Variants in ACER3 observed in about 807,000 individuals in gnomAD.
ACER3 encodes alkCDase 3.
Under a neutral mutation model 48.9 loss-of-function variants are expected in ACER3, and 16 were observed. That is an observed-to-expected ratio of 0.33 (90% CI 0.22 to 0.50). The LOEUF is 0.50. Ranked by LOEUF, ACER3 falls within the 20% of genes least tolerant of loss-of-function variation. The probability of loss-of-function intolerance (pLI) is 0.98; values close to 1 mark genes in which losing one functional copy is unlikely to be tolerated. For missense variants in ACER3, 227 were observed against 326.0 expected (o/e 0.70, Z 2.34); for synonymous variants, 109 against 107.8 (o/e 1.01, Z -0.07).
intron 4 of ACER3, among the ~76,000 whole-genome samples, chr11:76,979,096 G>A (rs1232204725): frequency 6.6e-6 from 1 of 152,216 alleles, no homozygotes; most frequent in African/African-American, 2.4e-5. Flanking sequence ...AATGAGCCCA[G>A]TGGGCCAGAA....
intron 10 of ACER3, 69 bp from the exon 11 acceptor site, chr11:77,020,205 A>G: frequency 2.6e-6 from 4 of 1,540,426 alleles, no homozygotes; most frequent in Non-Finnish European, 3.6e-6. Context: ...ATTCTTTCTC[A>G]TTCTTTTTCA....
At chr11:76,952,515 C>A (rs2134995410) in intron 2 of ACER3, among the ~76,000 whole-genome samples, 1 of 151,914 alleles carries the variant, frequency 6.6e-6, no homozygotes, top group Middle Eastern at 3.4e-3. Flanking sequence ...ACCTTGGCCT[C>A]TCAAAGTGCT....
intron 1 of ACER3, among the ~76,000 whole-genome samples, chr11:76,896,330 T>C (rs1945928162): frequency 6.6e-6 from 1 of 152,150 alleles, no homozygotes; most frequent in African/African-American, 2.4e-5. Context: ...TTATTCTTCA[T>C]TTTTGTCCTC....
intron 7 of ACER3, among the ~76,000 whole-genome samples, chr11:77,003,910 T>G (rs1281721811): frequency 1.3e-5 from 2 of 152,242 alleles, no homozygotes; most frequent in African/African-American, 4.8e-5. Flanking sequence ...GAACACACTC[T>G]GCATGATTTC....
At chr11:76,938,327 A>T (rs1390558860) in intron 2 of ACER3, among the ~76,000 whole-genome samples, 1 of 151,738 alleles carries the variant, frequency 6.6e-6, no homozygotes. Context: ...CAAATGAAAA[A>T]CTTTTTTTTG....
At chr11:76,885,303 T>C (rs1013850599) in intron 1 of ACER3, among the ~76,000 whole-genome samples, 13 of 152,048 alleles carry the variant, frequency 8.5e-5, no homozygotes, top group Non-Finnish European at 1.6e-4. Context: ...TAAATTTTAC[T>C]GTAAGTTCTG....
chr11:76,925,069 G>A (rs1433533603), intron 1 of ACER3, among the ~76,000 whole-genome samples: 1 of 149,374 alleles, frequency 6.7e-6, no homozygotes, highest in Non-Finnish European at 1.5e-5. Flanking sequence ...CCTTCTTATA[G>A]AAAAAGGAAA....
intron 6 of ACER3, among the ~76,000 whole-genome samples, chr11:76,997,301 T>C (rs1019737450): frequency 1.3e-5 from 2 of 152,148 alleles, no homozygotes; most frequent in African/African-American, 4.8e-5. Context: ...GGCCTTCCTA[T>C]GTGTTTATAA....
chr11:76,877,251 T>C lies in ACER3; in HGVS notation c.103+16172T>C, dbSNP rs114883233. ...AAAAAAATCTTTGACTCATCATAGG[T>C]GTAGACTCTCGCTCTAACATATGTT... is the stretch of plus-strand genomic sequence containing the variant. On this transcript the variant is annotated intron_variant, in intron 1 of 10. Transcript: ENST00000532485. Among the ~76,000 whole-genome samples, 1,155 of 152,276 alleles carry C rather than the reference T, an allele frequency of 7.6e-3. 7 individuals are homozygous for C. Among genetic ancestry groups the C allele is most frequent in the African/African-American group, 0.026 (1,087 of 41,564 alleles).
chr11:76,861,354 C>T (rs1431504959), intron 1 of ACER3, among the ~76,000 whole-genome samples: 1 of 151,356 alleles, frequency 6.6e-6, no homozygotes, highest in African/African-American at 2.4e-5. Context: ...CCCTGCTGGA[C>T]CTAAGGGGGA....
chr11:76,904,861 G>GTT (rs113679334), intron 1 of ACER3, among the ~76,000 whole-genome samples: 61 of 151,986 alleles, frequency 4.0e-4, no homozygotes, highest in African/African-American at 1.4e-3. Flanking sequence ...GTGTGTGTGT[G>GTT]TGTGTGTTTG....
chr11:76,941,538 G>A (rs1475898591), intron 2 of ACER3, among the ~76,000 whole-genome samples: 1 of 151,798 alleles, frequency 6.6e-6, no homozygotes, highest in Non-Finnish European at 1.5e-5. Flanking sequence ...TTTGAAGTCA[G>A]GCAATATGAT....
chr11:76,896,363 A>T (rs140572257), intron 1 of ACER3, among the ~76,000 whole-genome samples: 158 of 151,420 alleles, frequency 1.0e-3, no homozygotes, highest in African/African-American at 3.6e-3. Context: ...TAAGGGGCAT[A>T]AAAAAAACTA....
intron 2 of ACER3, among the ~76,000 whole-genome samples, chr11:76,938,117 A>G (rs1947245341): frequency 1.3e-5 from 2 of 152,058 alleles, no homozygotes; most frequent in African/African-American, 4.8e-5. Flanking sequence ...GGGCTCAAAC[A>G]ATCCTCCCAC....
At chr11:76,970,340 T>G (rs1205505252) in intron 3 of ACER3, among the ~76,000 whole-genome samples, 1 of 152,212 alleles carries the variant, frequency 6.6e-6, no homozygotes, top group Admixed American at 6.5e-5. Context: ...ATGTCATCAC[T>G]TCTCTGATAC....
chr11:76,893,962 ACTT>A (rs1945869960), intron 1 of ACER3, among the ~76,000 whole-genome samples: 1 of 152,182 alleles, frequency 6.6e-6, no homozygotes, highest in Non-Finnish European at 1.5e-5. Flanking sequence ...AATATGTTCA[ACTT>A]CTTGGCATCA....
intron 1 of ACER3, among the ~76,000 whole-genome samples, chr11:76,904,943 C>T (rs1946183990): frequency 6.6e-6 from 1 of 152,090 alleles, no homozygotes; most frequent in Admixed American, 6.5e-5. Flanking sequence ...ACCTCCACCT[C>T]CTGGTTCAAG....
chr11:76,893,309 G>A (rs912566247), intron 1 of ACER3, among the ~76,000 whole-genome samples: 1 of 152,104 alleles, frequency 6.6e-6, no homozygotes, highest in Non-Finnish European at 1.5e-5. Flanking sequence ...GTTCAAGGCT[G>A]CAGGGAGCTA....
chr11:76,949,827 C>A (rs551603333), intron 2 of ACER3, among the ~76,000 whole-genome samples: 2 of 152,300 alleles, frequency 1.3e-5, no homozygotes, highest in Admixed American at 1.3e-4. Flanking sequence ...TAAGTGAGAT[C>A]ACCTATTTGA....
Sources: gnomAD v4.1 joint callset for allele counts (sites outside exome capture counted in the v4.1 genomes callset) on GRCh38, gnomAD v4.1.1 for gene constraint, MANE v1.5 for transcripts, NCBI Gene and HGNC (gene_info 2026-07-23, HGNC 2026-07-21) for gene names.